Variants in MTMR2 observed in about 807,000 individuals in gnomAD.
The protein encoded by MTMR2 is myotubularin related protein 2.
MTMR2 carries 55 observed loss-of-function variants against 86.9 expected under a neutral mutation model. The ratio of observed to expected loss-of-function variants is 0.63; its 90% CI spans 0.51 to 0.79. The LOEUF (loss-of-function observed/expected upper bound fraction) is 0.79, where lower values mean the gene tolerates loss of function less well. Ranked by LOEUF, MTMR2 falls within the 30% of genes least tolerant of loss-of-function variation. MTMR2 has a pLI of 0.00. For missense variants in MTMR2, 659 were observed against 772.3 expected (o/e 0.85, Z 1.74); for synonymous variants, 241 against 266.8 (o/e 0.90, Z 0.94).
At position 95,845,115 on chromosome 11, in the gene MTMR2, T is replaced by G. The variant is rs747904048; in HGVS notation, c.1224A>C (p.Ser408=). ...AATGCACTACCACAGACGTCTTCCC[T>G]GACTCTACCTTGTCAGCAATCCTAA... ...GALRIADKVE[S]GKTSVVVHCS... is the part of the protein sequence containing the mutation. Residue 408 remains serine (S), a synonymous_variant, in exon 11 of 15, where the codon TCA becomes TCC. Coordinates refer to ENST00000346299, the MANE Select transcript of MTMR2 (RefSeq NM_016156.6). 5 of 1,613,866 alleles carry G rather than the reference T, an allele frequency of 3.1e-6. No homozygotes were observed. In the Admixed American group the frequency reaches 8.3e-5, roughly 27 times the overall value.
At position 95,923,943 on chromosome 11, in the gene MTMR2, G is replaced by A; in HGVS notation, c.12C>T (p.Ser4=). The change falls in exon 1 of 15, where the codon AGC becomes AGT. Residue 4 remains serine (S), a synonymous_variant. Coordinates refer to ENST00000346299, the MANE Select transcript of MTMR2 (RefSeq NM_016156.6). MEK[S]SSCESLGSQP... is the part of the protein sequence containing the mutation. ...GGGAGCCAAGACTCTCGCAGCTCGA[G>A]CTCTTCTCCATCGCGCGGCAGGGGC... The A allele has an allele frequency of 6.4e-7, 1 of 1,560,546 alleles. No homozygotes were observed.
intron 1 of MTMR2, among the ~76,000 whole-genome samples, chr11:95,919,642 T>G (rs1450628676): frequency 1.3e-5 from 2 of 152,190 alleles, no homozygotes; most frequent in African/African-American, 4.8e-5. Context: ...CCTCATTGTG[T>G]GTAGGACTGG....
chr11:95,885,899 T>A (rs1201807666), intron 2 of MTMR2, among the ~76,000 whole-genome samples: 1 of 152,100 alleles, frequency 6.6e-6, no homozygotes, highest in Non-Finnish European at 1.5e-5. Context: ...CTTAATAAAA[T>A]GTGATGAAAT....
chr11:95,865,766 G>C (rs1864592150), intron 2 of MTMR2, 90 bp from the exon 3 acceptor site: 1 of 1,027,142 alleles, frequency 9.7e-7, no homozygotes, highest in African/African-American at 1.6e-5. Flanking sequence ...TGCTCTTGAA[G>C]TTATAACATC....
chr11:95,888,254 T>C lies in MTMR2; in HGVS notation c.88A>G (p.Thr30Ala), dbSNP rs148594474. 22 of 1,612,248 alleles carry C rather than the reference T, an allele frequency of 1.4e-5. No individual in the cohort carries two copies. In the African/African-American group the frequency reaches 2.7e-4, roughly 20 times the overall value. Reference sequence around the variant, plus strand: ...TGCACTGAATTCTCTGAATGAGAAGTGGAGGCACTACAAAATACAAAAGTA... The same window carrying C: ...TGCACTGAATTCTCTGAATGAGAAGCGGAGGCACTACAAAATACAAAAGTA... ...PSVDSLSSAS[T>A]SHSENSVHTK... The change falls in exon 2 of 15, where the codon ACT (threonine) becomes GCT (alanine). Residue 30 changes from threonine to alanine, a missense_variant. This residue lies in a region of MTMR2 where 79 missense variants were observed against 54.4 expected (regional missense o/e 1.45). Coordinates refer to ENST00000346299, the MANE Select transcript of MTMR2 (RefSeq NM_016156.6).
chr11:95,907,099 T>G (rs1257547118), intron 1 of MTMR2, among the ~76,000 whole-genome samples: 1 of 151,664 alleles, frequency 6.6e-6, no homozygotes, highest in Non-Finnish European at 1.5e-5. Flanking sequence ...AAAGAATAAT[T>G]AAGGTAGATA....
intron 1 of MTMR2, among the ~76,000 whole-genome samples, chr11:95,912,148 A>G (rs1264700491): frequency 1.3e-5 from 2 of 151,384 alleles, no homozygotes; most frequent in African/African-American, 4.9e-5. Flanking sequence ...AGAGCATTCA[A>G]CATCTTTCTC....
chr11:95,924,076 A>G lies in MTMR2; in HGVS notation c.-122T>C. 2 of 1,319,242 alleles carry G rather than the reference A, an allele frequency of 1.5e-6. No individual in the cohort carries two copies. The highest frequency in any genetic ancestry group is 1.1e-6 in the Non-Finnish European group (1 of 941,116). The allele number at this position is 1,319,242 out of a possible 1,614,324, so 81.7% of individuals were successfully genotyped here. ...TCAGGCCAGCGCCGGCCCGGGAGGG[A>G]GACCGGAAGCGGCCATGTTCCCCCA... On this transcript the variant is annotated 5_prime_UTR_variant, in exon 1 of 15. Transcript: ENST00000346299.
At chr11:95,853,044 A>AAT (rs72159501) in intron 7 of MTMR2, among the ~76,000 whole-genome samples, 88 of 145,276 alleles carry the variant, frequency 6.1e-4, no homozygotes, top group East Asian at 9.9e-4. Flanking sequence ...ATTTATATAT[A>AAT]ATATATATAT....
rs561915203 is a variant in MTMR2, at chr11:95,904,881, T to C, written c.81-16620A>G. 5.2e-4 allele frequency among the ~76,000 whole-genome samples: 79 copies of C among 152,318 alleles called. 2 individuals carry two copies. In the South Asian group the frequency reaches 9.7e-3, roughly 19 times the overall value. ...CCCCTTTCCGGTAATATATATGCAGTGCTTCCAATTCCTCACTTCTCATTC... is the reference window on the plus strand; with the variant it reads ...CCCCTTTCCGGTAATATATATGCAGCGCTTCCAATTCCTCACTTCTCATTC... On this transcript the variant is annotated intron_variant, in intron 1 of 14. Transcript: ENST00000346299.
intron 1 of MTMR2, among the ~76,000 whole-genome samples, chr11:95,919,896 C>T (rs1343730127): frequency 1.3e-5 from 2 of 151,926 alleles, no homozygotes; most frequent in African/African-American, 4.8e-5. Flanking sequence ...ACAAACTAAT[C>T]AAAGAAACCC....
intron 2 of MTMR2, among the ~76,000 whole-genome samples, chr11:95,875,064 A>G (rs1865052122): frequency 1.3e-5 from 2 of 152,056 alleles, no homozygotes; most frequent in African/African-American, 2.4e-5. Context: ...GAATCTGACA[A>G]TTACGTGTCT....
intron 1 of MTMR2, among the ~76,000 whole-genome samples, chr11:95,914,708 A>T (rs767586367): frequency 1.3e-5 from 2 of 152,162 alleles, no homozygotes; most frequent in African/African-American, 4.8e-5. Context: ...TCATGTCCTT[A>T]TCACTACCAC....
chr11:95,845,876 G>C (rs1863766101), intron 10 of MTMR2, among the ~76,000 whole-genome samples: 1 of 106,454 alleles, frequency 9.4e-6, no homozygotes, highest in Non-Finnish European at 1.7e-5. Context: ...CAAAAGTATG[G>C]TATCTTAAAA....
intron 2 of MTMR2, among the ~76,000 whole-genome samples, chr11:95,873,899 G>A (rs964335198): frequency 3.2e-4 from 48 of 152,302 alleles, no homozygotes; most frequent in African/African-American, 1.1e-3. Context: ...ATGTAGTTGA[G>A]TGGTTTTGAG....
chr11:95,909,757 G>T (rs1422359459), intron 1 of MTMR2, among the ~76,000 whole-genome samples: 1 of 151,896 alleles, frequency 6.6e-6, no homozygotes, highest in Non-Finnish European at 1.5e-5. Flanking sequence ...ATAAAATCTT[G>T]CAATAAGGAT....
At chr11:95,863,292 T>C (rs1385820844) in intron 3 of MTMR2, among the ~76,000 whole-genome samples, 1 of 152,168 alleles carries the variant, frequency 6.6e-6, no homozygotes, top group East Asian at 1.9e-4. Flanking sequence ...CTTGGGGCCA[T>C]GAAATATATT....
chr11:95,850,878 T>G (rs1341779468), intron 7 of MTMR2, 129 bp from the exon 8 acceptor site: 12 of 874,628 alleles, frequency 1.4e-5, no homozygotes, highest in Non-Finnish European at 2.0e-5. Flanking sequence ...GGGATAGTTG[T>G]TGTCAGCCTG....
intron 2 of MTMR2, among the ~76,000 whole-genome samples, chr11:95,876,684 C>T (rs1316076132): frequency 1.3e-5 from 2 of 152,134 alleles, no homozygotes; most frequent in Admixed American, 6.5e-5. Flanking sequence ...TTTATTCCTA[C>T]TACATAATCA....
Sources: gnomAD v4.1 joint callset for allele counts (sites outside exome capture counted in the v4.1 genomes callset) on GRCh38, gnomAD v4.1.1 for gene constraint, gnomAD v4.1.1 regional missense constraint, MANE v1.5 for transcripts, NCBI Gene and HGNC (gene_info 2026-07-23, HGNC 2026-07-21) for gene names.